The following FSD2 variants were observed in gnomAD, a reference collection of about 807,000 sequenced individuals.
FSD2 encodes the protein fibronectin type III and SPRY domain-containing protein 2.
A neutral mutation model predicts 80.4 loss-of-function variants in FSD2; 71 were observed. That is an observed-to-expected ratio of 0.88 (90% CI 0.73 to 1.08). FSD2 has a LOEUF of 1.08. FSD2 is among the 50% of genes least tolerant of loss of function. FSD2 has a pLI of 0.00. For synonymous variants in FSD2, 361 were observed against 329.5 expected, an observed-to-expected ratio of 1.10 and a Z score of -1.03; for missense variants, 923 against 913.8, an observed-to-expected ratio of 1.01 and a Z score of -0.13.
chr15:82,786,445 A>G, intron 3 of FSD2, 66 bp downstream of exon 3: 1 of 1,194,634 alleles, frequency 8.4e-7, no homozygotes, highest in Non-Finnish European at 1.2e-6. Flanking sequence ...TACCAGAAAC[A>G]GCTGCTTGAC....
rs1379453404 is a variant in FSD2, at chr15:82,778,832, A to AC, written c.1044dup (p.Phe349ValfsTer2). ...GAGAAATCCAAGGTCTGGTCTTCAA[A>AC]CTCAGGCTGTGCAGAGATTTCCACG... On this transcript the variant is annotated frameshift_variant, in exon 6 of 13. Coordinates refer to ENST00000334574, the MANE Select transcript of FSD2 (RefSeq NM_001007122.4). LOFTEE classifies it high-confidence loss of function. 3 of 1,613,972 alleles carry AC rather than the reference A, an allele frequency of 1.9e-6. No homozygotes were observed. Among genetic ancestry groups the AC allele is most frequent in the Admixed American group, 3.3e-5 (2 of 60,020 alleles).
intron 5 of FSD2, 35 bp downstream of exon 5, chr15:82,780,210 A>T: frequency 1.4e-6 from 2 of 1,453,134 alleles, no homozygotes; most frequent in Non-Finnish European, 1.8e-6. Flanking sequence ...TGAAAAAAGT[A>T]AAAAAAGAAA....
In FSD2 at chr15:82,759,460, G is replaced by A. The variant is rs755695967; in HGVS notation, c.2138C>T (p.Thr713Ile). The change falls in exon 13 of 13, where the codon ACA (threonine) becomes ATA (isoleucine). Residue 713 changes from threonine (T) to isoleucine (I), a missense_variant. Coordinates refer to ENST00000334574, the MANE Select transcript of FSD2 (RefSeq NM_001007122.4). ...FNVDLSQHLY[T>I]FSCQLHEFVH... ...AAATTCGTGAAGCTGACAACTAAATGTATATAGATGCTGAGAAAGGTCCAC... is the reference window on the plus strand; with the variant it reads ...AAATTCGTGAAGCTGACAACTAAATATATATAGATGCTGAGAAAGGTCCAC... 7 of 1,613,600 alleles carry A rather than the reference G, an allele frequency of 4.3e-6. No individual in the cohort carries two copies. The Admixed American group carries it at 1.0e-4, about 23-fold the overall frequency.
rs756881525 is a variant in FSD2 at position 82,782,958 on chromosome 15, T to G, written c.803A>C (p.Gln268Pro). The change falls in exon 4 of 13, where the codon CAA (glutamine) becomes CCA (proline). Residue 268 changes from glutamine (Q) to proline (P), a missense_variant. Physicochemically the swap from Gln to Pro is moderately conservative, Grantham distance 76. Coordinates refer to ENST00000334574, the MANE Select transcript of FSD2 (RefSeq NM_001007122.4). ...AGCTTGTATTTTTTCCTCATATTTT[T>G]GAGCAAGTGTTTCCAAGATCTCGTT... ...HYNEILETLA[Q>P]KYEEKIQALG... 6.2e-7 allele frequency: 1 copy of G among 1,613,928 alleles called. No individual in the cohort carries two copies. Among genetic ancestry groups the G allele is most frequent in the Non-Finnish European group, 8.5e-7 (1 of 1,179,876 alleles).
intron 4 of FSD2, 45 bp from the exon 5 acceptor site, chr15:82,780,312 A>T: frequency 7.3e-7 from 1 of 1,368,662 alleles, no homozygotes; most frequent in South Asian, 1.4e-5. Context: ...TTGGAAATAA[A>T]TTTCTTTTTT....
At position 82,765,220 on chromosome 15, in the gene FSD2, CTTCGTACAGCCGTAAGTCCGTCT is replaced by C; in HGVS notation, c.1743_1765del (p.Asp582Ter). 1 of 1,610,700 alleles carries C rather than the reference CTTCGTACAGCCGTAAGTCCGTCT, an allele frequency of 6.2e-7. No homozygotes were observed. The highest frequency in any genetic ancestry group is 8.5e-7 in the Non-Finnish European group (1 of 1,178,212). ...CTCCCTGGCGGGGGTTCTCCTTTCA[CTTCGTACAGCCGTAAGTCCGTCT>C]TCAGAAATGGTCAGCCAGGGATGGC... On this transcript the variant is annotated frameshift_variant, in exon 11 of 13. Transcript: ENST00000334574. LOFTEE classifies it high-confidence loss of function.
chr15:82,796,573 G>A (rs2050276995), intron 1 of FSD2, among the ~76,000 whole-genome samples: 1 of 152,186 alleles, frequency 6.6e-6, no homozygotes, highest in Non-Finnish European at 1.5e-5. Context: ...CGATTCAAGA[G>A]AATAAATATT....
intron 11 of FSD2, among the ~76,000 whole-genome samples, chr15:82,763,825 T>G (rs755586769): frequency 2.6e-5 from 4 of 152,202 alleles, no homozygotes; most frequent in Non-Finnish European, 5.9e-5. Flanking sequence ...TCCTAACTTT[T>G]TGTGTGTATA....
chr15:82,755,791 C>A lies in FSD2; in HGVS notation c.*3557G>T, dbSNP rs1402318076. ...GGGGTCTTCTTTCCAAATAACTTTT[C>A]TCTTGCATTTAGATTAATTAACCAT... On this transcript the variant is annotated 3_prime_UTR_variant, in exon 13 of 13. Coordinates refer to ENST00000334574, the MANE Select transcript of FSD2 (RefSeq NM_001007122.4). 4.4e-6 allele frequency: 1 copy of A among 226,896 alleles called. No homozygotes were observed. The highest frequency in any genetic ancestry group is 9.3e-6 in the Non-Finnish European group (1 of 107,366). 14.1% of individuals were successfully genotyped at this position (226,896 alleles called of 1,614,324 possible).
At chr15:82,780,400 T>C (rs955306390) in intron 4 of FSD2, 133 bp from the exon 5 acceptor site, 13 of 603,612 alleles carry the variant, frequency 2.2e-5, no homozygotes, top group Non-Finnish European at 3.4e-5. Context: ...AATGGCACAA[T>C]CTCGGCTCAC....
At position 82,765,891 on chromosome 15, in the gene FSD2, C is replaced by T; in HGVS notation, c.1687+7G>A. ...GTCCCAGAGACTTTGTGGGCTGGGG[C>T]ACAGACCTATGGTGTGGACTGTAGC... On this transcript the variant is annotated splice_region_variant and intron_variant, in intron 10 of 12. Transcript: ENST00000334574. The T allele has an allele frequency of 6.2e-7, 1 of 1,600,820 alleles. No individual in the cohort carries two copies. Among genetic ancestry groups the T allele is most frequent in the Non-Finnish European group, 8.5e-7 (1 of 1,172,368 alleles).
At chr15:82,776,783 T>C (rs2049723106) in intron 6 of FSD2, among the ~76,000 whole-genome samples, 1 of 152,108 alleles carries the variant, frequency 6.6e-6, no homozygotes, top group Admixed American at 6.5e-5. Context: ...GCTAAAGCCA[T>C]CTTGGGAAAG....
rs775646617 is a variant in FSD2 at position 82,756,108 on chromosome 15, G to A, written c.*3240C>T. 2.3e-6 allele frequency: 1 copy of A among 439,584 alleles called. No individual in the cohort carries two copies. The highest frequency in any genetic ancestry group is 4.7e-6 in the Non-Finnish European group (1 of 214,618). 27.2% of individuals were successfully genotyped at this position (439,584 alleles called of 1,614,324 possible). A position where few individuals can be genotyped will look rare whatever the true frequency, so the allele number is the denominator to read the frequency against. On this transcript the variant is annotated 3_prime_UTR_variant, in exon 13 of 13. Coordinates refer to ENST00000334574, the MANE Select transcript of FSD2 (RefSeq NM_001007122.4). Reference sequence around the variant, plus strand: ...TCCATTGTCTTCCTATAGAAAATAGGAGTAGTACACTTATAGATGAGAAAA... The same window carrying A: ...TCCATTGTCTTCCTATAGAAAATAGAAGTAGTACACTTATAGATGAGAAAA...
chr15:82,796,437 T>C (rs2031729159), intron 1 of FSD2: 1 of 153,866 alleles, frequency 6.5e-6, no homozygotes. Context: ...CTGAAGAAGT[T>C]GGCAGCATTG....
At chr15:82,805,310 A>T (rs2050503982) in intron 1 of FSD2, among the ~76,000 whole-genome samples, 1 of 152,164 alleles carries the variant, frequency 6.6e-6, no homozygotes, top group Non-Finnish European at 1.5e-5. Context: ...TCTTCCCAGA[A>T]GTGATTCCAT....
intron 8 of FSD2, 107 bp from the exon 9 acceptor site, chr15:82,769,137 G>T: frequency 9.4e-7 from 1 of 1,058,792 alleles, no homozygotes; most frequent in Non-Finnish European, 1.3e-6. Context: ...TCCCACAAAA[G>T]AGATTCAGTG....
chr15:82,762,416 T>A, intron 11 of FSD2, 138 bp from the exon 12 acceptor site: 1 of 683,506 alleles, frequency 1.5e-6, no homozygotes, highest in Non-Finnish European at 2.4e-6. Context: ...ACTTAACTTG[T>A]AAAGTACCCT....
rs563943895 is a variant in FSD2, at chr15:82,759,293, G to A, written c.*55C>T. The stretch of plus-strand genomic sequence containing the variant: ...TGCCAGGTTCAGCCAGCTAAGGCGT[G>A]AGCAGCTGCGAGAGGGGTAGGCATG... On this transcript the variant is annotated 3_prime_UTR_variant, in exon 13 of 13. Transcript: ENST00000334574. The A allele has an allele frequency of 5.5e-4, 876 of 1,582,550 alleles. 6 individuals are homozygous for A. The Middle Eastern group carries it at 0.015, about 28-fold the overall frequency.
chr15:82,776,199 A>T (rs2049709449), intron 6 of FSD2, among the ~76,000 whole-genome samples: 1 of 152,106 alleles, frequency 6.6e-6, no homozygotes, highest in African/African-American at 2.4e-5. Flanking sequence ...AGGCAGGAGG[A>T]TTTCTTGAGC....
Sources: allele counts gnomAD v4.1 joint callset (sites outside exome capture counted in the v4.1 genomes callset), GRCh38; gene constraint gnomAD v4.1.1; transcripts MANE v1.5; gene names NCBI Gene and HGNC (gene_info 2026-07-23, HGNC 2026-07-21).